The following RGS6 variants were observed in gnomAD, a reference collection of about 807,000 sequenced individuals.
RGS6 encodes regulator of G-protein signaling 6.
RGS6 carries 30 observed loss-of-function variants against 78.5 expected under a neutral mutation model. The ratio of observed to expected loss-of-function variants is 0.38; its 90% CI spans 0.29 to 0.52. RGS6 has a LOEUF of 0.52. Among genes scored for constraint, RGS6 ranks in the 20% least tolerant of loss-of-function variants. The pLI is 0.85. For synonymous variants in RGS6, 206 were observed against 206.0 expected, an observed-to-expected ratio of 1.00 and a Z score of 0.00; for missense variants, 495 against 609.7, an observed-to-expected ratio of 0.81 and a Z score of 1.98.
chr14:72,393,511 T>C lies in RGS6; in HGVS notation c.184+41317T>C, dbSNP rs540728192. Among the ~76,000 whole-genome samples, 7 of 152,256 alleles carry C rather than the reference T, an allele frequency of 4.6e-5. No homozygotes were observed. The South Asian group carries it at 1.2e-3, about 27-fold the overall frequency. On this transcript the variant is annotated intron_variant, in intron 3 of 17. Coordinates refer to ENST00000553525, the MANE Select transcript of RGS6 (RefSeq NM_001204424.2). ...TTTTTCAGATAATGAAGCTAAGTCA[T>C]AGAGAAGTTAGGTGTGTTGGCCAGT...
chr14:72,244,128 GATA>G (rs932496799), intron 2 of RGS6, among the ~76,000 whole-genome samples: 44 of 152,320 alleles, frequency 2.9e-4, no homozygotes, highest in African/African-American at 1.0e-3. Context: ...CTCCCTGAGA[GATA>G]ATGATGACTG....
intron 15 of RGS6, among the ~76,000 whole-genome samples, chr14:72,532,685 T>C (rs2097197869): frequency 1.3e-5 from 2 of 152,236 alleles, no homozygotes; most frequent in Non-Finnish European, 2.9e-5. Flanking sequence ...AACAACCTTA[T>C]TGCTGATATG....
intron 2 of RGS6, among the ~76,000 whole-genome samples, chr14:72,214,112 G>A (rs1290057698): frequency 6.6e-6 from 1 of 151,408 alleles, no homozygotes; most frequent in African/African-American, 2.4e-5. Context: ...AAACTCATTT[G>A]GATAGAGTAT....
intron 3 of RGS6, among the ~76,000 whole-genome samples, chr14:72,400,917 T>C (rs545225874): frequency 6.9e-6 from 1 of 145,466 alleles, no homozygotes; most frequent in East Asian, 2.3e-4. Flanking sequence ...AGGAGCCAGG[T>C]GGCAGGGCCA....
chr14:72,005,637 A>G, intron 2 of RGS6, among the ~76,000 whole-genome samples: 1 of 152,140 alleles, frequency 6.6e-6, no homozygotes, highest in East Asian at 1.9e-4. Flanking sequence ...AAATGTTTTA[A>G]AAAAGCTTTT....
intron 2 of RGS6, among the ~76,000 whole-genome samples, chr14:72,265,541 G>T (rs564010105): frequency 6.6e-5 from 10 of 152,190 alleles, no homozygotes; most frequent in African/African-American, 1.9e-4. Flanking sequence ...TAGTAGTGAC[G>T]TTGCTAGAGG....
At chr14:71,890,691 C>G in the RGS6 span, among the ~76,000 whole-genome samples, 1 of 152,156 alleles carries the variant, frequency 6.6e-6, no homozygotes, top group Admixed American at 6.5e-5. Context: ...TCTGTAGTAA[C>G]TTACCCTTCT....
At chr14:72,346,410 G>A (rs115250614) in intron 2 of RGS6, among the ~76,000 whole-genome samples, 54 of 152,290 alleles carry the variant, frequency 3.5e-4, no homozygotes, top group African/African-American at 1.2e-3. Flanking sequence ...TCATTTCTCT[G>A]TCTGGCTTCT....
At chr14:71,875,857 T>C in the RGS6 span, among the ~76,000 whole-genome samples, 4 of 152,214 alleles carry the variant, frequency 2.6e-5, no homozygotes, top group African/African-American at 9.6e-5. Flanking sequence ...TTTGTTCTCA[T>C]TGGTTTCAAA....
chr14:72,607,190 A>G, the RGS6 span, among the ~76,000 whole-genome samples: 1 of 152,184 alleles, frequency 6.6e-6, no homozygotes, highest in Non-Finnish European at 1.5e-5. Flanking sequence ...CCTCTCTCAG[A>G]AATTGATGGG....
At chr14:72,623,925 A>C in the RGS6 span, among the ~76,000 whole-genome samples, 3,667 of 152,170 alleles carry the variant, frequency 0.024, 143 homozygotes, top group African/African-American at 0.083. Flanking sequence ...TACATATTAC[A>C]AAGTAAGGAA....
intron 2 of RGS6, among the ~76,000 whole-genome samples, chr14:72,236,991 G>C (rs1343971751): frequency 6.6e-6 from 1 of 152,168 alleles, no homozygotes; most frequent in African/African-American, 2.4e-5. Context: ...TGCACGCAGA[G>C]GGAACCCATG....
At chr14:72,134,125 GC>G (rs1157027752) in intron 2 of RGS6, among the ~76,000 whole-genome samples, 15 of 152,132 alleles carry the variant, frequency 9.9e-5, no homozygotes, top group African/African-American at 3.6e-4. Context: ...CTAGCCACTT[GC>G]CTCAACCCCC....
At chr14:72,140,823 G>C (rs1222327412) in intron 2 of RGS6, among the ~76,000 whole-genome samples, 1 of 152,146 alleles carries the variant, frequency 6.6e-6, no homozygotes, top group Non-Finnish European at 1.5e-5. Context: ...CTGAGGATGC[G>C]GGCAAGCCAG....
chr14:71,936,261 C>T (rs2089342771), intron 1 of RGS6, among the ~76,000 whole-genome samples: 1 of 151,694 alleles, frequency 6.6e-6, no homozygotes, highest in Non-Finnish European at 1.5e-5. Flanking sequence ...TGTTTGAGGG[C>T]AGGAAGCATC....
chr14:72,029,713 C>T (rs2090526801), intron 2 of RGS6, among the ~76,000 whole-genome samples: 1 of 152,082 alleles, frequency 6.6e-6, no homozygotes, highest in South Asian at 2.1e-4. Flanking sequence ...TGACAAGAAG[C>T]ATTTTCCTCC....
intron 2 of RGS6, among the ~76,000 whole-genome samples, chr14:71,967,948 G>A (rs147050490): frequency 6.6e-6 from 1 of 152,236 alleles, no homozygotes; most frequent in African/African-American, 2.4e-5. Flanking sequence ...ACTGTGAGAA[G>A]TTGTACTTTC....
chr14:72,601,327 C>G, the RGS6 span, among the ~76,000 whole-genome samples: 1 of 152,068 alleles, frequency 6.6e-6, no homozygotes, highest in Non-Finnish European at 1.5e-5. Context: ...CCTTCACCAC[C>G]CCCACCCCCG....
chr14:72,135,739 T>C (rs1261817446), intron 2 of RGS6, among the ~76,000 whole-genome samples: 1 of 152,056 alleles, frequency 6.6e-6, no homozygotes, highest in Non-Finnish European at 1.5e-5. Flanking sequence ...AATGCAAAAT[T>C]GCAAGGTTAA....
Sources: gnomAD v4.1 joint callset for allele counts (sites outside exome capture counted in the v4.1 genomes callset) on GRCh38, gnomAD v4.1.1 for gene constraint, MANE v1.5 for transcripts, NCBI Gene and HGNC (gene_info 2026-07-23, HGNC 2026-07-21) for gene names.